MVB12B: variants seen among roughly 807,000 people sequenced by gnomAD.
The protein encoded by MVB12B is multivesicular body subunit 12B.
Under a neutral mutation model 41.6 loss-of-function variants are expected in MVB12B, and 16 were observed. That is an observed-to-expected ratio of 0.38 (90% CI 0.26 to 0.58). The LOEUF (loss-of-function observed/expected upper bound fraction) is 0.58. Ranked by LOEUF, MVB12B falls within the 20% of genes least tolerant of loss-of-function variation. The probability of loss-of-function intolerance (pLI) is 0.62; values close to 1 mark genes in which losing one functional copy is unlikely to be tolerated. For missense variants in MVB12B, 274 were observed against 380.2 expected (o/e 0.72, Z 2.32); for synonymous variants, 133 against 139.7 (o/e 0.95, Z 0.34).
chr9:126,451,357 G>T (rs2119160505), intron 7 of MVB12B, among the ~76,000 whole-genome samples: 1 of 152,322 alleles, frequency 6.6e-6, no homozygotes, highest in Admixed American at 6.5e-5. Flanking sequence ...CAGTGCAGAG[G>T]GGACTCTCTC....
rs1830878355 is a variant in MVB12B at position 126,389,180 on chromosome 9, C to T, written c.409+2522C>T. Among the ~76,000 whole-genome samples the T allele has an allele frequency of 6.6e-6, 1 of 152,108 alleles. No homozygotes were observed. The highest frequency in any genetic ancestry group is 2.4e-5 in the African/African-American group (1 of 41,406). The stretch of plus-strand genomic sequence containing the variant: ...TCGGTCCTGGGCCCAATGCCAGGTG[C>T]CTTGTCACACAGGAGGGTGGGCAGC... On this transcript the variant is annotated intron_variant, in intron 4 of 9. Coordinates refer to ENST00000361171, the MANE Select transcript of MVB12B (RefSeq NM_033446.3). The surrounding 1 kb of genome is among the most constrained non-coding windows in gnomAD (Gnocchi z 4.4).
At chr9:126,488,405 G>C (rs1363466427) in intron 9 of MVB12B, among the ~76,000 whole-genome samples, 1 of 151,296 alleles carries the variant, frequency 6.6e-6, no homozygotes, top group Non-Finnish European at 1.5e-5. Flanking sequence ...CAGGTTCAGG[G>C]GCATAGACCT....
intron 7 of MVB12B, among the ~76,000 whole-genome samples, chr9:126,454,591 G>A (rs1305422558): frequency 2.0e-5 from 3 of 152,232 alleles, no homozygotes; most frequent in Admixed American, 6.5e-5. Context: ...GGATACATTT[G>A]CAGTGGCCAG....
intron 9 of MVB12B, among the ~76,000 whole-genome samples, chr9:126,493,823 T>G (rs1441511967): frequency 1.3e-5 from 2 of 152,240 alleles, no homozygotes; most frequent in African/African-American, 4.8e-5. Context: ...GTAATATTTC[T>G]GGAGCTAGAT....
intron 1 of MVB12B, among the ~76,000 whole-genome samples, chr9:126,329,985 C>T (rs1192290520): frequency 2.0e-5 from 3 of 146,690 alleles, no homozygotes; most frequent in Non-Finnish European, 4.5e-5. Flanking sequence ...ATCGTGGCTT[C>T]CCTGCGCTGT....
rs927471977 is a variant in MVB12B at position 126,396,454 on chromosome 9, T to C, written c.662+757T>C. On this transcript the variant is annotated intron_variant, in intron 6 of 9. Transcript: ENST00000361171. ...AGGCAGCAACACTTAGGGATTGACA[T>C]AACGTAAATGAGAATGGATCTCCAA... 3 of 985,454 alleles carry C rather than the reference T, an allele frequency of 3.0e-6. No homozygotes were observed. In the East Asian group the frequency reaches 3.4e-4, roughly 112 times the overall value. 61.0% of individuals were successfully genotyped at this position (985,454 alleles called of 1,614,324 possible). A position where few individuals can be genotyped will look rare whatever the true frequency, so the allele number is the denominator to read the frequency against.
chr9:126,463,084 G>A (rs1242873057), intron 7 of MVB12B, among the ~76,000 whole-genome samples: 1 of 152,302 alleles, frequency 6.6e-6, no homozygotes. Flanking sequence ...ACTGTCCTGC[G>A]GGCTGGTCCA....
chr9:126,482,362 G>C (rs1321951090), intron 8 of MVB12B, among the ~76,000 whole-genome samples: 1 of 152,242 alleles, frequency 6.6e-6, no homozygotes, highest in East Asian at 1.9e-4. Flanking sequence ...AAACCACCCG[G>C]CTTGCGATTT....
chr9:126,434,509 C>T (rs921364780), intron 7 of MVB12B, among the ~76,000 whole-genome samples: 1 of 152,216 alleles, frequency 6.6e-6, no homozygotes, highest in East Asian at 1.9e-4. Context: ...AAGCTTGCCT[C>T]GGTGGCCCTA....
intron 7 of MVB12B, among the ~76,000 whole-genome samples, chr9:126,427,602 T>C (rs1354756789): frequency 4.6e-5 from 7 of 152,180 alleles, no homozygotes. Flanking sequence ...TTTTTAACCA[T>C]AGAAAGCTTA....
chr9:126,428,571 G>T (rs753188334), intron 7 of MVB12B, among the ~76,000 whole-genome samples: 3 of 152,158 alleles, frequency 2.0e-5, no homozygotes, highest in Admixed American at 1.3e-4. Flanking sequence ...GCACTGCAGG[G>T]TTGGGAAAAT....
intron 6 of MVB12B, among the ~76,000 whole-genome samples, chr9:126,417,144 C>A (rs1475690130): frequency 6.6e-6 from 1 of 152,176 alleles, no homozygotes; most frequent in Non-Finnish European, 1.5e-5. Context: ...GAGCCCTTCT[C>A]CCTAAAGCTT....
chr9:126,334,090 A>C (rs1257788344), intron 1 of MVB12B, among the ~76,000 whole-genome samples: 2 of 152,194 alleles, frequency 1.3e-5, no homozygotes, highest in African/African-American at 4.8e-5. Flanking sequence ...CACATGCTAA[A>C]GTTGGATAAC....
chr9:126,329,535 C>G (rs1829070744), intron 1 of MVB12B, among the ~76,000 whole-genome samples: 1 of 152,172 alleles, frequency 6.6e-6, no homozygotes, highest in African/African-American at 2.4e-5. Flanking sequence ...CTCTCAGGGC[C>G]TTGGAAGGGG....
chr9:126,373,473 C>G (rs1351545759), intron 2 of MVB12B, among the ~76,000 whole-genome samples: 1 of 152,252 alleles, frequency 6.6e-6, no homozygotes, highest in Non-Finnish European at 1.5e-5. Context: ...TTCATCGTGT[C>G]AGCCAGATAT....
intron 7 of MVB12B, among the ~76,000 whole-genome samples, chr9:126,462,307 C>T (rs1277838536): frequency 3.3e-5 from 5 of 152,190 alleles, no homozygotes; most frequent in Non-Finnish European, 5.9e-5. Context: ...AAACCAATTT[C>T]GTAAACACAG....
chr9:126,457,354 A>G (rs1289595348), intron 7 of MVB12B, among the ~76,000 whole-genome samples: 1 of 152,186 alleles, frequency 6.6e-6, no homozygotes, highest in Non-Finnish European at 1.5e-5. Flanking sequence ...CCTCTCAGCC[A>G]GGCTGAAATC....
chr9:126,400,948 G>A (rs1831250704), intron 6 of MVB12B, among the ~76,000 whole-genome samples: 1 of 152,172 alleles, frequency 6.6e-6, no homozygotes, highest in Admixed American at 6.5e-5. Flanking sequence ...AGGATTTTCG[G>A]GACATCTCAT....
chr9:126,380,571 C>T (rs1184574405), intron 2 of MVB12B, among the ~76,000 whole-genome samples: 1 of 152,160 alleles, frequency 6.6e-6, no homozygotes, highest in Non-Finnish European at 1.5e-5. Context: ...TGTTTCTGAC[C>T]TCCCTCCCTG....
Sources: allele counts gnomAD v4.1 joint callset (sites outside exome capture counted in the v4.1 genomes callset), GRCh38; gene constraint gnomAD v4.1.1; non-coding constraint Gnocchi (gnomAD v3.1); transcripts MANE v1.5; gene names NCBI Gene and HGNC (gene_info 2026-07-23, HGNC 2026-07-21).